Variants in ADGRL3 observed in about 807,000 individuals in gnomAD.
ADGRL3 encodes calcium-independent alpha-latrotoxin receptor 3.
Under a neutral mutation model 153.5 loss-of-function variants are expected in ADGRL3, and 62 were observed. The observed-to-expected ratio is 0.40, with a 90% CI of 0.33 to 0.50. The LOEUF is 0.50. Among genes scored for constraint, ADGRL3 ranks in the 20% least tolerant of loss-of-function variants. The probability of loss-of-function intolerance (pLI) is 0.47; values close to 1 mark genes in which losing one functional copy is unlikely to be tolerated. For synonymous variants in ADGRL3, 710 were observed against 672.5 expected (o/e 1.06, Z -0.86); for missense variants, 1,641 against 1,859.4 (o/e 0.88, Z 2.16).
At chr4:61,448,703 GGAAAGAAAGAAGGAAGGA>G (rs1184889351) in intron 2 of ADGRL3, among the ~76,000 whole-genome samples, 2 of 20,242 alleles carry the variant, frequency 9.9e-5, no homozygotes, top group African/African-American at 1.5e-4. Context: ...TAGGAACGAA[GGAAAGAAAGAAGGAAGGA>G]AGGAGAGAGG....
intron 25 of ADGRL3, among the ~76,000 whole-genome samples, chr4:62,046,323 G>A (rs1021177018): frequency 5.0e-4 from 76 of 151,900 alleles, no homozygotes; most frequent in African/African-American, 1.8e-3. Flanking sequence ...TTCATGTAAA[G>A]ATAGTAAGGT....
rs566559171 is a variant in ADGRL3 at position 61,471,965 on chromosome 4, A to T, written c.-173-25156A>T. ...CAATACAATTATTGTATTATGCACA[A>T]CACAATACATTAAATACAATAAATG... On this transcript the variant is annotated intron_variant, in intron 2 of 26. Coordinates refer to ENST00000683033, the MANE Select transcript of ADGRL3 (RefSeq NM_001387552.1). Among the ~76,000 whole-genome samples the T allele has an allele frequency of 4.6e-5, 7 of 152,198 alleles. No individual in the cohort carries two copies. In the South Asian group the frequency reaches 1.5e-3, roughly 32 times the overall value.
rs780640572 is a variant in ADGRL3 at position 61,899,914 on chromosome 4, T to TCCCAG, written c.1887+4082_1887+4086dup. Among the ~76,000 whole-genome samples, 71 of 152,230 alleles carry TCCCAG rather than the reference T, an allele frequency of 4.7e-4. No homozygotes were observed. The Middle Eastern group carries it at 0.01, about 22-fold the overall frequency. ...GCTCTGTCCTCATGATCTAATCCCT[T>TCCCAG]CCCAGCGGCCCCACCTCTTAACACT... On this transcript the variant is annotated intron_variant, in intron 11 of 26. Transcript: ENST00000683033.
rs370825339 is a variant in ADGRL3 at position 61,764,307 on chromosome 4, C to T, written c.1399+30753C>T. Reference sequence around the variant, plus strand: ...CACCTGGTTGCAGGCGGGCTGAGTTCGAAAAGAGAGTCAGCGAAGGGAGAT... The same window carrying T: ...CACCTGGTTGCAGGCGGGCTGAGTTTGAAAAGAGAGTCAGCGAAGGGAGAT... On this transcript the variant is annotated intron_variant, in intron 8 of 26. Transcript: ENST00000683033. Among the ~76,000 whole-genome samples, 13 of 151,778 alleles carry T rather than the reference C, an allele frequency of 8.6e-5. No homozygotes were observed. The South Asian group carries it at 2.1e-3, about 24-fold the overall frequency.
At chr4:61,911,867 A>G (rs1159871104) in intron 12 of ADGRL3, among the ~76,000 whole-genome samples, 1 of 152,092 alleles carries the variant, frequency 6.6e-6, no homozygotes, top group African/African-American at 2.4e-5. Flanking sequence ...GAAGAGGAAA[A>G]CCCACAAATG....
chr4:61,337,074 T>A (rs1335375522), intron 1 of ADGRL3, among the ~76,000 whole-genome samples: 1 of 152,112 alleles, frequency 6.6e-6, no homozygotes, highest in Non-Finnish European at 1.5e-5. Flanking sequence ...TTTTGCAGTT[T>A]CCTTGCCTGG....
chr4:61,373,499 A>G (rs1336579387), intron 1 of ADGRL3, among the ~76,000 whole-genome samples: 2 of 152,204 alleles, frequency 1.3e-5, no homozygotes, highest in Non-Finnish European at 2.9e-5. Flanking sequence ...TTAAAATGTT[A>G]AAATTTTTGT....
chr4:61,691,993 CAATT>C (rs576739180), intron 6 of ADGRL3, among the ~76,000 whole-genome samples: 90 of 152,166 alleles, frequency 5.9e-4, no homozygotes, highest in African/African-American at 1.8e-3. Context: ...GCTCAGGAAA[CAATT>C]GATTGAGAAA....
intron 1 of ADGRL3, among the ~76,000 whole-genome samples, chr4:61,318,193 C>CA (rs757545966): frequency 0.1 from 4,806 of 48,260 alleles, 208 homozygotes; most frequent in East Asian, 0.25. Context: ...GAACCTGTCT[C>CA]AAAAAAAAAA....
chr4:61,973,839 G>A (rs546478439), intron 17 of ADGRL3, among the ~76,000 whole-genome samples: 81 of 152,222 alleles, frequency 5.3e-4, no homozygotes, highest in African/African-American at 1.9e-3. Flanking sequence ...GTATACAAAT[G>A]AATTAGTATT....
At chr4:61,858,148 C>T (rs1327402792) in intron 9 of ADGRL3, among the ~76,000 whole-genome samples, 4 of 152,122 alleles carry the variant, frequency 2.6e-5, no homozygotes, top group African/African-American at 9.7e-5. Flanking sequence ...TAACCAATGG[C>T]AGTAAATTAA....
intron 5 of ADGRL3, among the ~76,000 whole-genome samples, chr4:61,607,051 AGAG>A (rs1208840809): frequency 6.6e-6 from 1 of 152,158 alleles, no homozygotes; most frequent in Non-Finnish European, 1.5e-5. Context: ...GCCATGAAGA[AGAG>A]GAGTTATTAC....
chr4:61,439,895 A>G (rs1560635529), intron 2 of ADGRL3, among the ~76,000 whole-genome samples: 2 of 152,080 alleles, frequency 1.3e-5, no homozygotes, highest in African/African-American at 4.8e-5. Context: ...TCTTTTATAC[A>G]TGTACACATG....
At chr4:61,509,800 G>T (rs1278022794) in intron 3 of ADGRL3, among the ~76,000 whole-genome samples, 5 of 152,120 alleles carry the variant, frequency 3.3e-5, no homozygotes, top group Non-Finnish European at 5.9e-5. Context: ...GGAATACTGG[G>T]TAGAATAATA....
intron 19 of ADGRL3, among the ~76,000 whole-genome samples, chr4:61,994,704 C>G (rs957223819): frequency 2.6e-5 from 4 of 151,966 alleles, no homozygotes; most frequent in African/African-American, 9.7e-5. Flanking sequence ...CTAGTGCTCT[C>G]TACTCTTATG....
At chr4:61,520,381 A>G (rs889844551) in intron 4 of ADGRL3, among the ~76,000 whole-genome samples, 1 of 152,206 alleles carries the variant, frequency 6.6e-6, no homozygotes, top group African/African-American at 2.4e-5. Context: ...CCTACAAACC[A>G]CACAGACAGT....
At chr4:62,011,849 A>C (rs2099187983) in intron 21 of ADGRL3, among the ~76,000 whole-genome samples, 1 of 152,184 alleles carries the variant, frequency 6.6e-6, no homozygotes, top group East Asian at 1.9e-4. Context: ...GCTAAGTGAA[A>C]TAAACATGAA....
chr4:61,364,829 G>T (rs1179614588), intron 1 of ADGRL3, among the ~76,000 whole-genome samples: 2 of 152,120 alleles, frequency 1.3e-5, no homozygotes, highest in African/African-American at 2.4e-5. Flanking sequence ...GTTTGTGGAG[G>T]TCTTTTCTCT....
intron 13 of ADGRL3, among the ~76,000 whole-genome samples, chr4:61,925,832 T>C (rs1332433500): frequency 6.6e-6 from 1 of 152,188 alleles, no homozygotes; most frequent in Non-Finnish European, 1.5e-5. Context: ...AACTATCTCA[T>C]GAACTATATG....
Sources: gnomAD v4.1 joint callset for allele counts (sites outside exome capture counted in the v4.1 genomes callset) on GRCh38, gnomAD v4.1.1 for gene constraint, MANE v1.5 for transcripts, NCBI Gene and HGNC (gene_info 2026-07-23, HGNC 2026-07-21) for gene names.